Variants in HYI observed in about 807,000 individuals in gnomAD.
HYI encodes putative hydroxypyruvate isomerase.
A neutral mutation model predicts 39.7 loss-of-function variants in HYI; 47 were observed. That is an observed-to-expected ratio of 1.18 (90% CI 0.94 to 1.51). The LOEUF (loss-of-function observed/expected upper bound fraction) is 1.51. Among genes scored for constraint, HYI ranks in the 40% most tolerant of loss-of-function variants. The probability of loss-of-function intolerance (pLI) is 0.00; values close to 1 mark genes in which losing one functional copy is unlikely to be tolerated. For synonymous variants in HYI, 186 were observed against 158.8 expected (o/e 1.17, Z -1.29); for missense variants, 465 against 370.3 (o/e 1.26, Z -2.10).
Position 43,453,420 on chromosome 1 carries a change from C to T in HYI, c.277G>A (p.Ala93Thr), listed in dbSNP as rs764529011. ...CCCAGGGCTTTGGCATACCGCACGG[C>T]CTGCTCCAGTCCCTCTCGGAAGGCC... is the stretch of plus-strand genomic sequence containing the variant. ...QAAFREGLEQ[A>T]VRYAKALGCP... Residue 93 changes from alanine (A) to threonine (T), a missense_variant, in exon 2 of 8, where the codon GCC becomes ACC. Ala to Thr is a moderately conservative substitution (Grantham distance 58). Coordinates refer to ENST00000372430, the MANE Select transcript of HYI (RefSeq NM_001190880.3). 1.3e-6 allele frequency: 2 copies of T among 1,560,202 alleles called. No homozygotes were observed. The highest frequency in any genetic ancestry group is 2.4e-5 in the East Asian group (1 of 41,502).
At position 43,451,249 on chromosome 1, in the gene HYI, C is replaced by T; in HGVS notation, c.823G>A (p.Ala275Thr). 2 of 1,613,986 alleles carry T rather than the reference C, an allele frequency of 1.2e-6. No homozygotes were observed. The highest frequency in any genetic ancestry group is 2.7e-5 in the African/African-American group (2 of 75,060). The change falls in exon 8 of 8, where the codon GCT (alanine) becomes ACT (threonine). Residue 275 changes from alanine to threonine, a missense_variant. Transcript: ENST00000372430. ...SYWDRRGHPEAGQ is the reference protein window; with the variant it reads ...SYWDRRGHPETGQ ...TGGTGTGCGGGCCCTCACTGGCCAGCCTCTGGGTGGCCCCGCCTATCCCAG... is the reference window on the plus strand; with the variant it reads ...TGGTGTGCGGGCCCTCACTGGCCAGTCTCTGGGTGGCCCCGCCTATCCCAG...
chr1:43,451,375 C>T, intron 7 of HYI, 35 bp downstream of exon 7: 1 of 1,611,982 alleles, frequency 6.2e-7, no homozygotes, highest in South Asian at 1.1e-5. Context: ...TGTCCGGGTC[C>T]CTCCAGAGCT....
chr1:43,452,648 G>C, intron 2 of HYI: 1 of 598,442 alleles, frequency 1.7e-6, no homozygotes, highest in South Asian at 2.0e-5. Context: ...GCCCTTCTCA[G>C]GTATTCCATG....
At position 43,451,657 on chromosome 1, in the gene HYI, G is replaced by A. The variant is rs1263647717; in HGVS notation, c.616C>T (p.Pro206Ser). 6.2e-7 allele frequency: 1 copy of A among 1,613,976 alleles called. No homozygotes were observed. The highest frequency in any genetic ancestry group is 8.5e-7 in the Non-Finnish European group (1 of 1,180,006). ...NLTGNIREFL[P>S]IVGHVQVAQV... ...AGGAAGGTCCTCTCACCAACAATGG[G>A]CAGGAACTCCCGGATGTTTCCTGTC... Residue 206 changes from proline to serine, a missense_variant, in exon 6 of 8, where the codon CCC (proline) becomes TCC (serine). Physicochemically the swap from Pro to Ser is moderately conservative, Grantham distance 74. Coordinates refer to ENST00000372430, the MANE Select transcript of HYI (RefSeq NM_001190880.3).
In HYI at chr1:43,453,501, C is replaced by A. The variant is rs2153938765; in HGVS notation, c.200-4G>T. Reference sequence around the variant, plus strand: ...ATTTCCCCCTTCTCTTGGTCTCCTGCAGAGAGAACGGGCCTCAGCCCCCGG... The same window carrying A: ...ATTTCCCCCTTCTCTTGGTCTCCTGAAGAGAGAACGGGCCTCAGCCCCCGG... On this transcript the variant is annotated splice_polypyrimidine_tract_variant and splice_region_variant and intron_variant, in intron 1 of 7. Coordinates refer to ENST00000372430, the MANE Select transcript of HYI (RefSeq NM_001190880.3). The A allele has an allele frequency of 1.3e-6, 2 of 1,549,038 alleles. No individual in the cohort carries two copies. Among genetic ancestry groups the A allele is most frequent in the Non-Finnish European group, 1.7e-6 (2 of 1,145,494 alleles).
chr1:43,452,299 C>T lies in HYI; in HGVS notation c.332G>A (p.Arg111Gln), dbSNP rs751310206. The change falls in exon 3 of 8, where the codon CGA becomes CAA. Residue 111 changes from arginine to glutamine, a missense_variant. Physicochemically the swap from Arg to Gln is conservative, Grantham distance 43. Coordinates refer to ENST00000372430, the MANE Select transcript of HYI (RefSeq NM_001190880.3). ...TATTCGATCAGCTCCCTGGGGTACTCGGCCAGCCATCAGGTGGATCCTGTG... is the reference window on the plus strand; with the variant it reads ...TATTCGATCAGCTCCCTGGGGTACTTGGCCAGCCATCAGGTGGATCCTGTG... ...GCPRIHLMAG[R>Q]VPQGADRIAV... The T allele has an allele frequency of 6.8e-6, 11 of 1,613,840 alleles. No homozygotes were observed. The highest frequency in any genetic ancestry group is 2.2e-5 in the East Asian group (1 of 44,882).
intron 2 of HYI, chr1:43,452,835 C>T: frequency 6.6e-7 from 1 of 1,506,034 alleles, no homozygotes; most frequent in Non-Finnish European, 9.0e-7. Context: ...TCCCATCATC[C>T]CCTGATCTTA....
At position 43,451,525 on chromosome 1, in the gene HYI, C is replaced by T; in HGVS notation, c.645G>A (p.Gln215=). ...LPIVGHVQVA[Q]VPGRGEPSSP... ...TGCTGGGCTCCCCTCGGCCTGGGAC[C>T]TGTGCCACCTGCACATGCCCTGGGG... The change falls in exon 7 of 8, where the codon CAG becomes CAA. Residue 215 remains glutamine (Q), a synonymous_variant. Transcript: ENST00000372430. The T allele has an allele frequency of 6.2e-7, 1 of 1,614,114 alleles. No individual in the cohort carries two copies. The highest frequency in any genetic ancestry group is 8.5e-7 in the Non-Finnish European group (1 of 1,180,004).
downstream of HYI, chr1:43,450,632 C>A: frequency 8.3e-7 from 1 of 1,206,390 alleles, no homozygotes; most frequent in Non-Finnish European, 1.2e-6. This position sits in a 1 kb window ranked among gnomAD's most constrained non-coding sequence, Gnocchi z 4.3. Flanking sequence ...TCTTGAGGGT[C>A]TGCTGCCCCA....
At chr1:43,453,263 G>T in intron 2 of HYI, 123 bp downstream of exon 2, 1 of 686,284 alleles carries the variant, frequency 1.5e-6, no homozygotes, top group Non-Finnish European at 2.5e-6. Flanking sequence ...GACCAGGACC[G>T]CAGAGGCAGA....
At position 43,451,218 on chromosome 1, in the gene HYI, C is replaced by G. The variant is rs773617586; in HGVS notation, c.*20G>C. On this transcript the variant is annotated 3_prime_UTR_variant, in exon 8 of 8. Coordinates refer to ENST00000372430, the MANE Select transcript of HYI (RefSeq NM_001190880.3). ...GGATGTCACTCGCTGTCTGGAGGCA[C>G]GTGGGTGGTGTGCGGGCCCTCACTG... is the stretch of plus-strand genomic sequence containing the variant. 3 of 1,612,318 alleles carry G rather than the reference C, an allele frequency of 1.9e-6. 1 individual carries two copies. In the Admixed American group the frequency reaches 5.0e-5, roughly 27 times the overall value.
Position 43,451,102 on chromosome 1 carries a change from C to G in HYI, c.*136G>C, listed in dbSNP as rs757238964. ...CAATGGGAGGGAAGCAGCAGAGAAA[C>G]TGAAGTGTTAGACACTATGTGTCCC... On this transcript the variant is annotated 3_prime_UTR_variant, in exon 8 of 8. Coordinates refer to ENST00000372430, the MANE Select transcript of HYI (RefSeq NM_001190880.3). The G allele has an allele frequency of 1.1e-6, 1 of 903,922 alleles. No individual in the cohort carries two copies. The highest frequency in any genetic ancestry group is 1.3e-5 in the South Asian group (1 of 76,330). The allele number at this position is 903,922 out of a possible 1,614,324, so 56.0% of individuals were successfully genotyped here. A position where few individuals can be genotyped will look rare whatever the true frequency, so the allele number is the denominator to read the frequency against.
chr1:43,452,902 C>T, intron 2 of HYI: 8 of 1,598,826 alleles, frequency 5.0e-6, no homozygotes, highest in South Asian at 1.1e-5. Flanking sequence ...AGGCTACATA[C>T]ATGTCCAGCC....
downstream of HYI, chr1:43,450,667 CCAAA>C: frequency 1.1e-6 from 1 of 878,514 alleles, no homozygotes. This position sits in a 1 kb window ranked among gnomAD's most constrained non-coding sequence, Gnocchi z 4.3. Context: ...ACCGCCCTCC[CCAAA>C]CACCCACAGC....
intron 2 of HYI, chr1:43,452,894 G>GGATGTCCAGC (rs1384761912): frequency 1.3e-6 from 2 of 1,593,678 alleles, no homozygotes; most frequent in Admixed American, 3.5e-5. Context: ...ATCCCAACAG[G>GGATGTCCAGC]CTACATACAT....
At chr1:43,453,218 T>C in intron 2 of HYI, 168 bp downstream of exon 2, 2 of 636,862 alleles carry the variant, frequency 3.1e-6, no homozygotes, top group Non-Finnish European at 5.5e-6. Context: ...CAGAGTGGCA[T>C]AAGACAGATA....
Position 43,451,966 on chromosome 1 carries a change from G to A in HYI, c.474C>T (p.Asp158=), listed in dbSNP as rs2251802. 0.38 allele frequency: 612,475 copies of A among 1,610,584 alleles called. 123,090 individuals are homozygous for A. Among genetic ancestry groups the A allele is most frequent in the Non-Finnish European group, 0.42 (492,516 of 1,177,538 alleles). The part of the protein sequence containing the change: ...LLEPINTRIT[D]PQYFLDTPQQ... The stretch of plus-strand genomic sequence containing the variant: ...GGGGCGTGTCCAGGAAGTACTGGGG[G>A]TCAGTGATGCGGGTGTTGATGGGCT... Residue 158 remains aspartate (D), a synonymous_variant, in exon 4 of 8, where the codon GAC becomes GAT. Transcript: ENST00000372430.
Position 43,451,792 on chromosome 1 carries a change from A to G in HYI, c.555+6T>C. 1 of 1,614,004 alleles carries G rather than the reference A, an allele frequency of 6.2e-7. No individual in the cohort carries two copies. Among genetic ancestry groups the G allele is most frequent in the Non-Finnish European group, 8.5e-7 (1 of 1,179,966 alleles). ...TCCGATCTGCGAAGTACCCCCTTCC[A>G]CTTACCATTTGTAATTGGAGGTTGG... On this transcript the variant is annotated splice_donor_region_variant and intron_variant, in intron 5 of 7. Coordinates refer to ENST00000372430, the MANE Select transcript of HYI (RefSeq NM_001190880.3).
rs1236496259 is a variant in HYI, at chr1:43,451,231, C to T, written c.*7G>A. 14 of 1,613,420 alleles carry T rather than the reference C, an allele frequency of 8.7e-6. No individual in the cohort carries two copies. Among genetic ancestry groups the T allele is most frequent in the South Asian group, 3.3e-5 (3 of 91,080 alleles). On this transcript the variant is annotated 3_prime_UTR_variant, in exon 8 of 8. Coordinates refer to ENST00000372430, the MANE Select transcript of HYI (RefSeq NM_001190880.3). Reference sequence around the variant, plus strand: ...TGTCTGGAGGCACGTGGGTGGTGTGCGGGCCCTCACTGGCCAGCCTCTGGG... The same window carrying T: ...TGTCTGGAGGCACGTGGGTGGTGTGTGGGCCCTCACTGGCCAGCCTCTGGG...
Sources: gnomAD v4.1 joint callset for allele counts on GRCh38, gnomAD v4.1.1 for gene constraint, Gnocchi (gnomAD v3.1) non-coding constraint, MANE v1.5 for transcripts, NCBI Gene and HGNC (gene_info 2026-07-23, HGNC 2026-07-21) for gene names.